IL1RAPL2: variants seen among roughly 807,000 people sequenced by gnomAD.
The protein encoded by IL1RAPL2 is interleukin 1 receptor accessory protein like 2.
A neutral mutation model predicts 44.1 loss-of-function variants in IL1RAPL2; 3 were observed. The observed-to-expected ratio is 0.07, with a 90% CI of 0.03 to 0.18. The LOEUF is 0.18. IL1RAPL2 is among the 10% of genes least tolerant of loss of function. The pLI is 1.00. For synonymous variants in IL1RAPL2, 181 were observed against 178.8 expected (o/e 1.01, Z -0.10); for missense variants, 391 against 496.4 (o/e 0.79, Z 2.02).
chrX:104,923,060 T>C (rs1924684109), intron 2 of IL1RAPL2, among the ~76,000 whole-genome samples: 1 of 111,246 alleles, frequency 9.0e-6, no homozygotes. Context: ...AGAAAGAATT[T>C]CAAGCTTGAA....
chrX:105,674,804 T>C (rs753528204), intron 6 of IL1RAPL2, among the ~76,000 whole-genome samples: 32 of 111,954 alleles, frequency 2.9e-4, no homozygotes, highest in African/African-American at 1.0e-3. Context: ...ATGGAATATT[T>C]TTTCATTTGT....
intron 4 of IL1RAPL2, among the ~76,000 whole-genome samples, chrX:105,265,410 T>C (rs758719178): frequency 8.9e-6 from 1 of 112,132 alleles, no homozygotes; most frequent in African/African-American, 3.2e-5. Flanking sequence ...TTTCTCTGTG[T>C]TCAGACTTTC....
intron 2 of IL1RAPL2, among the ~76,000 whole-genome samples, chrX:105,005,652 T>C (rs147064106): frequency 1.8e-5 from 2 of 110,783 alleles, no homozygotes; most frequent in Non-Finnish European, 3.8e-5. Flanking sequence ...CCTCTACCTT[T>C]TTAGTTCACC....
intron 2 of IL1RAPL2, among the ~76,000 whole-genome samples, chrX:105,165,576 C>CCTTCAAT (rs1200930241): frequency 8.9e-6 from 1 of 112,171 alleles, no homozygotes; most frequent in African/African-American, 3.2e-5. Context: ...CATTAGAGAT[C>CCTTCAAT]CTTCAATGGC....
At chrX:104,594,128 A>G (rs1928720231) in intron 1 of IL1RAPL2, among the ~76,000 whole-genome samples, 1 of 112,261 alleles carries the variant, frequency 8.9e-6, no homozygotes, top group African/African-American at 3.2e-5. Context: ...CAGTGAACAA[A>G]GCAGACAAGA....
chrX:105,294,857 A>T (rs980025616), intron 5 of IL1RAPL2, among the ~76,000 whole-genome samples: 3 of 111,796 alleles, frequency 2.7e-5, no homozygotes, highest in African/African-American at 9.8e-5. Context: ...TAGAGTCAGT[A>T]CTGTTATTCA....
At chrX:105,387,485 G>A (rs768088874) in intron 5 of IL1RAPL2, among the ~76,000 whole-genome samples, 3 of 110,062 alleles carry the variant, frequency 2.7e-5, no homozygotes, top group Admixed American at 9.7e-5. Context: ...CACCCGCCTC[G>A]GCCTCCCAAA....
In IL1RAPL2 at chrX:104,905,575, G is replaced by T. The variant is rs1251584344; in HGVS notation, c.82+246580G>T. On this transcript the variant is annotated intron_variant, in intron 2 of 10. Transcript: ENST00000372582. ...TTAAATAGGGAATCCTTTCCCCATTGCTTGTTTTTCTCAGGTTTGTCAAAG... is the reference window on the plus strand; with the variant it reads ...TTAAATAGGGAATCCTTTCCCCATTTCTTGTTTTTCTCAGGTTTGTCAAAG... Among the ~76,000 whole-genome samples, 5 of 111,669 alleles carry T rather than the reference G, an allele frequency of 4.5e-5. No homozygotes were observed. In the East Asian group the frequency reaches 8.4e-4, roughly 19 times the overall value.
chrX:104,618,160 G>C (rs1160013700), intron 1 of IL1RAPL2, among the ~76,000 whole-genome samples: 1 of 111,858 alleles, frequency 8.9e-6, no homozygotes, highest in Non-Finnish European at 1.9e-5. Context: ...ATATTGGGCT[G>C]TGTAGTTTGA....
chrX:105,094,672 G>T (rs901972859), intron 2 of IL1RAPL2, among the ~76,000 whole-genome samples: 2 of 110,507 alleles, frequency 1.8e-5, no homozygotes. Flanking sequence ...TGAGTCTCTT[G>T]TAATTCCACA....
At chrX:104,908,712 C>G (rs1924123173) in intron 2 of IL1RAPL2, among the ~76,000 whole-genome samples, 1 of 109,912 alleles carries the variant, frequency 9.1e-6, no homozygotes, top group African/African-American at 3.3e-5. Flanking sequence ...GGTAACCCGA[C>G]CTTTCTCTCT....
intron 6 of IL1RAPL2, among the ~76,000 whole-genome samples, chrX:105,643,817 T>C (rs1236015095): frequency 8.9e-6 from 1 of 112,386 alleles, no homozygotes; most frequent in Non-Finnish European, 1.9e-5. Context: ...TTTCTGATGA[T>C]GACTTGTCTG....
At chrX:104,915,981 A>G (rs1369399538) in intron 2 of IL1RAPL2, among the ~76,000 whole-genome samples, 65 of 111,867 alleles carry the variant, frequency 5.8e-4, no homozygotes, top group Non-Finnish European at 9.2e-4. Flanking sequence ...GCCTTGTAGT[A>G]TAGTTTGAAG....
At chrX:105,351,141 G>A (rs2035150712) in intron 5 of IL1RAPL2, among the ~76,000 whole-genome samples, 1 of 111,792 alleles carries the variant, frequency 8.9e-6, no homozygotes, top group African/African-American at 3.3e-5. Context: ...TAGAGAGGAT[G>A]TGGAGAAACA....
intron 6 of IL1RAPL2, among the ~76,000 whole-genome samples, chrX:105,571,549 G>C (rs1485562994): frequency 9.0e-6 from 1 of 110,689 alleles, no homozygotes; most frequent in Non-Finnish European, 1.9e-5. Context: ...TCTTCTTGTG[G>C]CTCCACTGTC....
intron 2 of IL1RAPL2, among the ~76,000 whole-genome samples, chrX:104,921,212 G>C (rs938989853): frequency 6.3e-5 from 7 of 111,407 alleles, no homozygotes; most frequent in African/African-American, 1.6e-4. Flanking sequence ...GCTAGGCAGC[G>C]ACAGCAAAAG....
At chrX:104,895,805 C>T (rs184564874) in intron 2 of IL1RAPL2, among the ~76,000 whole-genome samples, 4 of 111,905 alleles carry the variant, frequency 3.6e-5, no homozygotes, top group South Asian at 7.6e-4. Flanking sequence ...CCCCCACTGT[C>T]GGACAAGCCC....
At chrX:105,224,764 C>G (rs2033998883) in intron 3 of IL1RAPL2, among the ~76,000 whole-genome samples, 1 of 111,332 alleles carries the variant, frequency 9.0e-6, no homozygotes, top group South Asian at 3.8e-4. Context: ...CTGATATTTA[C>G]AGAGAAAGAG....
At chrX:105,679,926 T>C (rs2037908806) in intron 6 of IL1RAPL2, among the ~76,000 whole-genome samples, 2 of 112,117 alleles carry the variant, frequency 1.8e-5, no homozygotes, top group Middle Eastern at 4.6e-3. Context: ...AAAAGCTCTT[T>C]ATTATGTGTG....
Sources: allele counts gnomAD v4.1 joint callset (sites outside exome capture counted in the v4.1 genomes callset), GRCh38; gene constraint gnomAD v4.1.1; transcripts MANE v1.5; gene names NCBI Gene and HGNC (gene_info 2026-07-23, HGNC 2026-07-21).